Variants in SCART1 observed in about 807,000 individuals in gnomAD.
The protein encoded by SCART1 is scavenger receptor family member expressed on T cells 1.
A neutral mutation model predicts 36.2 loss-of-function variants in SCART1; 62 were observed. That is an observed-to-expected ratio of 1.71 (90% CI 1.40 to 2.12). The LOEUF (loss-of-function observed/expected upper bound fraction) is 2.12, where lower values mean the gene tolerates loss of function less well. Among genes scored for constraint, SCART1 ranks in the 30% most tolerant of loss-of-function variants. The pLI is 0.00. For missense variants in SCART1, 1,041 were observed against 540.5 expected (o/e 1.93, Z -9.18); for synonymous variants, 487 against 238.7 (o/e 2.04, Z -9.59).
In SCART1 at chr10:133,459,186, A is replaced by G. The variant is rs1414740504; in HGVS notation, c.1145A>G (p.His382Arg). ...GCGGTGGCCGCACCTGGAGGAGGCC[A>G]TTTTGGGGACGGGGACGCTGCCATC... The change falls in exon 5 of 12, where the codon CAT (histidine) becomes CGT (arginine). Residue 382 changes from histidine (H) to arginine (R), a missense_variant. Coordinates refer to ENST00000640237, the Ensembl canonical transcript of SCART1. 7.1e-6 allele frequency: 5 copies of G among 702,836 alleles called. No individual in the cohort carries two copies. The East Asian group carries it at 8.0e-5, about 11-fold the overall frequency. 43.5% of individuals were successfully genotyped at this position (702,836 alleles called of 1,614,324 possible). A position where few individuals can be genotyped will look rare whatever the true frequency, so the allele number is the denominator to read the frequency against.
exon 7 of SCART1, chr10:133,464,687 C>A (rs1386526221): frequency 1.9e-5 from 13 of 700,018 alleles, no homozygotes; most frequent in Non-Finnish European, 3.1e-5. Context: ...ACCTGGGGCG[C>A]CATGTGCAGC....
intron 6 of SCART1, chr10:133,464,326 GGC>G (rs1351744724): frequency 2.0e-5 from 8 of 396,300 alleles, no homozygotes; most frequent in Middle Eastern, 6.6e-4. Flanking sequence ...AGTGAACCTG[GGC>G]GTGCAGTGAA....
chr10:133,456,694 TCTCTCTGGGAGGGGCTC>T (rs1355697720), intron 2 of SCART1, 140 bp downstream of exon 2: 1 of 570,094 alleles, frequency 1.8e-6, no homozygotes, highest in African/African-American at 1.9e-5. Context: ...GGTCTGGAGC[TCTCTCTGGGAGGGGCTC>T]CTCTCTGGGC....
intron 6 of SCART1, chr10:133,464,364 G>A (rs1192743518): frequency 4.3e-6 from 2 of 463,562 alleles, no homozygotes; most frequent in African/African-American, 2.0e-5. Flanking sequence ...GAACCTGGGC[G>A]TGCAGTGAAC....
chr10:133,459,509 G>A (rs1343692259), exon 6 of SCART1: 4 of 668,136 alleles, frequency 6.0e-6, no homozygotes, highest in Non-Finnish European at 8.1e-6. Flanking sequence ...CCCTGCGACT[G>A]AGGGAAGGAC....
chr10:133,459,064 G>A (rs1230482380), exon 5 of SCART1: 6 of 700,742 alleles, frequency 8.6e-6, no homozygotes, highest in Non-Finnish European at 1.6e-5. Flanking sequence ...AGGGCCGCGT[G>A]GAGTTCCAGG....
At position 133,460,075 on chromosome 10, in the gene SCART1, GC is replaced by G; in HGVS notation, c.1876del (p.Gln626ArgfsTer36). 1.9e-6 allele frequency: 1 copy of G among 513,920 alleles called. No individual in the cohort carries two copies. Among genetic ancestry groups the G allele is most frequent in the Non-Finnish European group, 3.4e-6 (1 of 292,814 alleles). 31.8% of individuals were successfully genotyped at this position (513,920 alleles called of 1,614,324 possible). On this transcript the variant is annotated frameshift_variant, in exon 6 of 12. Transcript: ENST00000640237. LOFTEE classifies it high-confidence loss of function. ...CGCATCTGGCTGGACGAGCTGGGCT[GC>G]CAGGGCCACGAGTCTGCGCTGTGGC...
rs1589937201 is a variant in SCART1 at position 133,465,594 on chromosome 10, A to C, written c.2659+29A>C. On this transcript the variant is annotated intron_variant, in intron 9 of 11. Coordinates refer to ENST00000640237, the Ensembl canonical transcript of SCART1. Reference sequence around the variant, plus strand: ...AGTGGGGGGCGGTGGGAAGTCGGTCATGGGGCCGGCAGAGGGCGCTGGGAT... The same window carrying C: ...AGTGGGGGGCGGTGGGAAGTCGGTCCTGGGGCCGGCAGAGGGCGCTGGGAT... 1.7e-5 allele frequency: 10 copies of C among 574,430 alleles called. No homozygotes were observed. In the East Asian group the frequency reaches 3.0e-4, roughly 17 times the overall value. The allele number at this position is 574,430 out of a possible 1,614,324, so 35.6% of individuals were successfully genotyped here. A position where few individuals can be genotyped will look rare whatever the true frequency, so the allele number is the denominator to read the frequency against.
intron 11 of SCART1, 27 bp downstream of exon 11, chr10:133,467,380 G>A: frequency 2.9e-6 from 2 of 687,856 alleles, no homozygotes; most frequent in Non-Finnish European, 5.3e-6. Flanking sequence ...GCTCAGGGGT[G>A]AGCTCTGGGG....
At chr10:133,455,380 G>A (rs1850595950) in intron 1 of SCART1, among the ~76,000 whole-genome samples, 1 of 152,128 alleles carries the variant, frequency 6.6e-6, no homozygotes, top group Admixed American at 6.5e-5. Context: ...CTGAGAGAGA[G>A]GAGATTCAAG....
chr10:133,457,566 G>C, exon 3 of SCART1: 2 of 698,396 alleles, frequency 2.9e-6, no homozygotes, highest in Non-Finnish European at 2.6e-6. Flanking sequence ...CGCAGAGGTG[G>C]TCTGCTCAGG....
chr10:133,464,347 CTGCAGTGAACCTGGGCG>C (rs1259585381), intron 6 of SCART1: 8 of 358,236 alleles, frequency 2.2e-5, no homozygotes, highest in African/African-American at 1.7e-4. Context: ...AACCTGGGTG[CTGCAGTGAACCTGGGCG>C]TGCAGTGAAC....
chr10:133,455,609 G>A (rs1393708161), intron 1 of SCART1, among the ~76,000 whole-genome samples: 1 of 152,060 alleles, frequency 6.6e-6, no homozygotes, highest in Admixed American at 6.5e-5. Flanking sequence ...GGTTGCAGAG[G>A]CCTGGAGAGG....
intron 6 of SCART1, among the ~76,000 whole-genome samples, chr10:133,460,693 C>T (rs930985813): frequency 5.3e-5 from 8 of 151,032 alleles, no homozygotes; most frequent in Admixed American, 4.6e-4. Context: ...GAGGCACTGC[C>T]GCTGGCTTCA....
intron 2 of SCART1, 67 bp downstream of exon 2, chr10:133,456,621 C>G (rs143828549): frequency 3.4e-5 from 20 of 594,496 alleles, no homozygotes; most frequent in African/African-American, 2.3e-4. Flanking sequence ...AGGAGGAGGA[C>G]TGGGAGGACG....
intron 1 of SCART1, among the ~76,000 whole-genome samples, chr10:133,455,817 G>A (rs1426477903): frequency 1.3e-5 from 2 of 152,150 alleles, no homozygotes; most frequent in East Asian, 1.9e-4. Flanking sequence ...AAGGGTGAGC[G>A]GGGCACTCCA....
intron 1 of SCART1, among the ~76,000 whole-genome samples, chr10:133,455,925 CAG>C (rs1243986960): frequency 6.6e-6 from 1 of 151,988 alleles, no homozygotes; most frequent in Non-Finnish European, 1.5e-5. Context: ...GCTTGGGAGG[CAG>C]AGAGTGGGTG....
exon 12 of SCART1, chr10:133,467,872 G>A: frequency 1.4e-6 from 1 of 694,140 alleles, no homozygotes; most frequent in Non-Finnish European, 2.6e-6. Flanking sequence ...CTAACCTCCT[G>A]GAGGGACAGT....
intron 6 of SCART1, among the ~76,000 whole-genome samples, chr10:133,460,488 A>ATT (rs1554896739): frequency 7.0e-6 from 1 of 142,084 alleles, no homozygotes; most frequent in Admixed American, 7.0e-5. Context: ...ATATATATAT[A>ATT]TTTATATATT....
Sources: gnomAD v4.1 joint callset for allele counts (sites outside exome capture counted in the v4.1 genomes callset) on GRCh38, gnomAD v4.1.1 for gene constraint, MANE v1.5 for transcripts, NCBI Gene and HGNC (gene_info 2026-07-23, HGNC 2026-07-21) for gene names.